The following ZDHHC15 variants were observed in gnomAD, a reference collection of about 807,000 sequenced individuals.
ZDHHC15 encodes the protein palmitoyltransferase ZDHHC15.
In ZDHHC15, 19 loss-of-function variants were observed where a neutral mutation model predicts 31.7. That is an observed-to-expected ratio of 0.60 (90% CI 0.42 to 0.88). ZDHHC15 has a LOEUF of 0.88. Ranked by LOEUF, ZDHHC15 falls within the 40% of genes least tolerant of loss-of-function variation. The pLI is 0.00. For synonymous variants in ZDHHC15, 103 were observed against 90.0 expected, an observed-to-expected ratio of 1.14 and a Z score of -0.82; for missense variants, 209 against 251.2, an observed-to-expected ratio of 0.83 and a Z score of 1.14.
intron 2 of ZDHHC15, among the ~76,000 whole-genome samples, chrX:75,498,538 A>G (rs934683378): frequency 9.9e-5 from 11 of 111,401 alleles, no homozygotes; most frequent in African/African-American, 3.6e-4. Context: ...CCCCTTTTAC[A>G]ATAACTGAAT....
chrX:75,399,297 C>A (rs1448694340), intron 10 of ZDHHC15, among the ~76,000 whole-genome samples: 2 of 111,544 alleles, frequency 1.8e-5, no homozygotes, highest in Non-Finnish European at 3.8e-5. Flanking sequence ...AGCCTCTTAG[C>A]CACTGCCTCT....
At chrX:75,480,180 A>T (rs1215554064) in intron 2 of ZDHHC15, among the ~76,000 whole-genome samples, 1 of 111,563 alleles carries the variant, frequency 9.0e-6, no homozygotes, top group African/African-American at 3.3e-5. Flanking sequence ...CTCCTGGCTC[A>T]GTTCTCCCAG....
chrX:75,373,932 T>TTTTC (rs1320398961), intron 11 of ZDHHC15, among the ~76,000 whole-genome samples: 1 of 81,465 alleles, frequency 1.2e-5, no homozygotes, highest in African/African-American at 4.1e-5. Flanking sequence ...TTCTGTTTTT[T>TTTTC]TTTTTTTTTT....
At chrX:75,440,530 C>T (rs374549736) in intron 4 of ZDHHC15, among the ~76,000 whole-genome samples, 7 of 112,511 alleles carry the variant, frequency 6.2e-5, no homozygotes, top group Non-Finnish European at 9.4e-5. Context: ...CTGCCTGCCC[C>T]GGCCTCCCGA....
At chrX:75,396,139 G>A (rs2083296732) in intron 10 of ZDHHC15, among the ~76,000 whole-genome samples, 1 of 111,814 alleles carries the variant, frequency 8.9e-6, no homozygotes, top group South Asian at 3.7e-4. Flanking sequence ...AGCAAAAATA[G>A]ACAAATGGGA....
intron 4 of ZDHHC15, among the ~76,000 whole-genome samples, chrX:75,435,164 C>T (rs2083833085): frequency 8.9e-6 from 1 of 111,737 alleles, no homozygotes; most frequent in South Asian, 3.7e-4. Context: ...GTGTATAGCA[C>T]TGCTACTGAT....
chrX:75,401,274 G>GA (rs2083354126), intron 10 of ZDHHC15, among the ~76,000 whole-genome samples: 2 of 106,370 alleles, frequency 1.9e-5, no homozygotes, highest in African/African-American at 6.8e-5. Flanking sequence ...AAAAAGAAAA[G>GA]AAAAAAGAAA....
intron 2 of ZDHHC15, among the ~76,000 whole-genome samples, chrX:75,495,646 C>G (rs2084982187): frequency 9.1e-6 from 1 of 109,645 alleles, no homozygotes; most frequent in Admixed American, 9.8e-5. Flanking sequence ...ATGGATGAAA[C>G]TGTAAAAGAT....
intron 4 of ZDHHC15, among the ~76,000 whole-genome samples, chrX:75,434,957 C>T (rs1286408091): frequency 1.8e-5 from 2 of 112,094 alleles, no homozygotes; most frequent in Admixed American, 1.9e-4. Context: ...ATTGATTATA[C>T]CCATTCATGG....
chrX:75,485,306 G>A (rs1332300123), intron 2 of ZDHHC15, among the ~76,000 whole-genome samples: 1 of 111,072 alleles, frequency 9.0e-6, no homozygotes. Flanking sequence ...GCAAAAAAAA[G>A]ATGACACATA....
At chrX:75,458,917 G>T (rs1184545930) in intron 3 of ZDHHC15, among the ~76,000 whole-genome samples, 1 of 102,295 alleles carries the variant, frequency 9.8e-6, no homozygotes, top group African/African-American at 3.6e-5. Context: ...GGACTGACTA[G>T]GCAAACAACT....
intron 10 of ZDHHC15, among the ~76,000 whole-genome samples, chrX:75,398,637 C>T (rs2083322806): frequency 9.0e-6 from 1 of 111,491 alleles, no homozygotes; most frequent in African/African-American, 3.3e-5. Context: ...TGATCTTGTT[C>T]CTCCTCACTG....
intron 1 of ZDHHC15, among the ~76,000 whole-genome samples, chrX:75,509,590 T>A (rs1275454105): frequency 1.8e-5 from 2 of 112,332 alleles, no homozygotes; most frequent in African/African-American, 6.5e-5. Context: ...ATTATAATGA[T>A]GTACAGCATA....
intron 4 of ZDHHC15, among the ~76,000 whole-genome samples, chrX:75,449,244 A>G (rs2084080682): frequency 1.2e-5 from 1 of 83,320 alleles, no homozygotes; most frequent in African/African-American, 4.0e-5. Context: ...ACACACACAC[A>G]CACACACACA....
chrX:75,409,989 G>C (rs1334076055), intron 10 of ZDHHC15, among the ~76,000 whole-genome samples: 1 of 110,087 alleles, frequency 9.1e-6, no homozygotes, highest in East Asian at 2.8e-4. Flanking sequence ...AATGTAGAAA[G>C]AACAGTCTCT....
intron 1 of ZDHHC15, among the ~76,000 whole-genome samples, chrX:75,520,557 T>C (rs901321747): frequency 1.2e-4 from 13 of 111,633 alleles, no homozygotes; most frequent in African/African-American, 4.2e-4. Context: ...GAGTCAATAC[T>C]GAAAAACTCC....
chrX:75,509,031 T>C (rs2085216934), intron 1 of ZDHHC15, among the ~76,000 whole-genome samples: 1 of 111,463 alleles, frequency 9.0e-6, no homozygotes, highest in South Asian at 3.8e-4. Context: ...GAGTTCTTTG[T>C]AGATTCTGGA....
In ZDHHC15 at chrX:75,416,936, G is replaced by C. The variant is rs898664028; in HGVS notation, c.967+151C>G. ...TCTAATCTTATCTAAACTACCCATGGTTACTAAACAAATATGGCCATACTT... is the reference window on the plus strand; with the variant it reads ...TCTAATCTTATCTAAACTACCCATGCTTACTAAACAAATATGGCCATACTT... On this transcript the variant is annotated intron_variant, in intron 10 of 11. Coordinates refer to ENST00000373367, the MANE Select transcript of ZDHHC15 (RefSeq NM_144969.3). 22 of 398,111 alleles carry C rather than the reference G, an allele frequency of 5.5e-5. No individual in the cohort carries two copies. The East Asian group carries it at 9.7e-4, about 17-fold the overall frequency. 32.8% of individuals were successfully genotyped at this position (398,111 alleles called of 1,213,427 possible).
intron 1 of ZDHHC15, among the ~76,000 whole-genome samples, chrX:75,507,021 G>T (rs1173275756): frequency 1.8e-5 from 2 of 111,172 alleles, no homozygotes. Context: ...GTATACAGGA[G>T]TGGGAGCCGG....
Sources: gnomAD v4.1 joint callset for allele counts (sites outside exome capture counted in the v4.1 genomes callset) on GRCh38, gnomAD v4.1.1 for gene constraint, MANE v1.5 for transcripts, NCBI Gene and HGNC (gene_info 2026-07-23, HGNC 2026-07-21) for gene names.